Variants in EPB41L3 observed in about 807,000 individuals in gnomAD.
The protein encoded by EPB41L3 is erythrocyte membrane protein band 4.1 like 3.
A neutral mutation model predicts 127.1 loss-of-function variants in EPB41L3; 57 were observed. The observed-to-expected ratio is 0.45, with a 90% CI of 0.36 to 0.56. The LOEUF (loss-of-function observed/expected upper bound fraction) is 0.56, where lower values mean the gene tolerates loss of function less well. Among genes scored for constraint, EPB41L3 ranks in the 20% least tolerant of loss-of-function variants. EPB41L3 has a pLI of 0.00. For missense variants in EPB41L3, 1,273 were observed against 1,372.2 expected, an observed-to-expected ratio of 0.93 and a Z score of 1.14; for synonymous variants, 572 against 549.5, an observed-to-expected ratio of 1.04 and a Z score of -0.57.
chr18:5,493,174 A>C (rs1255539001), intron 1 of EPB41L3, among the ~76,000 whole-genome samples: 2 of 152,228 alleles, frequency 1.3e-5, no homozygotes, highest in Non-Finnish European at 2.9e-5. Flanking sequence ...TCTGTATTCA[A>C]ATTTATCTAC....
At chr18:5,455,013 TA>T (rs1445801996) in intron 3 of EPB41L3, among the ~76,000 whole-genome samples, 1 of 152,228 alleles carries the variant, frequency 6.6e-6, no homozygotes, top group Admixed American at 6.5e-5. Context: ...ACAAGTTATT[TA>T]AACCTCTCTG....
At position 5,396,084 on chromosome 18, in the gene EPB41L3, G is replaced by C. The variant is rs548283428; in HGVS notation, c.2973+117C>G. On this transcript the variant is annotated intron_variant, in intron 19 of 22. Coordinates refer to ENST00000341928, the MANE Select transcript of EPB41L3 (RefSeq NM_012307.5). ...GCATCACTTTTAATAGAAATGGTCT[G>C]GCTGCTGGATCCTCTAAGTCTCATG... The C allele has an allele frequency of 1.0e-5, 13 of 1,262,210 alleles. No individual in the cohort carries two copies. The African/African-American group carries it at 1.9e-4, about 19-fold the overall frequency. 78.2% of individuals were successfully genotyped at this position (1,262,210 alleles called of 1,614,324 possible). A position where few individuals can be genotyped will look rare whatever the true frequency, so the allele number is the denominator to read the frequency against.
chr18:5,430,027 T>C (rs1482852594), intron 8 of EPB41L3, among the ~76,000 whole-genome samples: 1 of 152,204 alleles, frequency 6.6e-6, no homozygotes, highest in Non-Finnish European at 1.5e-5. Flanking sequence ...TTAGGAAGTG[T>C]ACCTTTAACC....
chr18:5,424,487 T>C (rs2077894117), intron 9 of EPB41L3, 128 bp from the exon 10 acceptor site: 1 of 654,192 alleles, frequency 1.5e-6, no homozygotes, highest in Non-Finnish European at 2.6e-6. Flanking sequence ...AATTGCTATA[T>C]GCATAATTCA....
rs1269475851 is a variant in EPB41L3, at chr18:5,395,167, G to A, written c.3073-20C>T. ...CACAGTCTGCAAGACACGTAGAGAA[G>A]CTTTATGAATTTACTCACTGGGAGA... is the stretch of plus-strand genomic sequence containing the variant. On this transcript the variant is annotated intron_variant, in intron 20 of 22. Transcript: ENST00000341928. 6.2e-7 allele frequency: 1 copy of A among 1,609,094 alleles called. No individual in the cohort carries two copies. Among genetic ancestry groups the A allele is most frequent in the South Asian group, 1.1e-5 (1 of 90,972 alleles).
At chr18:5,564,483 A>C (rs1012179855) in intron 3 of EPB41L3, among the ~76,000 whole-genome samples, 1 of 152,110 alleles carries the variant, frequency 6.6e-6, no homozygotes, top group Admixed American at 6.5e-5. Context: ...AATCATAACT[A>C]CAGGGAAAGG....
intron 14 of EPB41L3, among the ~76,000 whole-genome samples, chr18:5,409,102 G>C (rs569523876): frequency 2.0e-4 from 30 of 152,262 alleles, no homozygotes; most frequent in African/African-American, 7.2e-4. Flanking sequence ...CCTATAGATG[G>C]GACAGAGTTT....
At chr18:5,574,340 G>A (rs2094315209) in intron 3 of EPB41L3, among the ~76,000 whole-genome samples, 1 of 149,964 alleles carries the variant, frequency 6.7e-6, no homozygotes, top group East Asian at 1.9e-4. Flanking sequence ...TAGAGTAACT[G>A]AGACTATCAG....
chr18:5,524,551 AC>A (rs1242925218), intron 1 of EPB41L3, among the ~76,000 whole-genome samples: 1 of 152,182 alleles, frequency 6.6e-6, no homozygotes, highest in Admixed American at 6.5e-5. Context: ...TATAATATAA[AC>A]AGAAAATCCT....
intron 3 of EPB41L3, among the ~76,000 whole-genome samples, chr18:5,556,014 T>C (rs2094029876): frequency 2.0e-5 from 3 of 152,192 alleles, no homozygotes; most frequent in South Asian, 4.1e-4. Flanking sequence ...CCATGAACCA[T>C]TGTCTCCCTT....
intron 3 of EPB41L3, among the ~76,000 whole-genome samples, chr18:5,447,863 T>C (rs930019363): frequency 1.3e-5 from 2 of 152,236 alleles, no homozygotes; most frequent in Non-Finnish European, 2.9e-5. Flanking sequence ...CTTTTCTTAC[T>C]GAATATTTTA....
At chr18:5,591,532 T>C (rs1482827365) in intron 3 of EPB41L3, among the ~76,000 whole-genome samples, 1 of 152,192 alleles carries the variant, frequency 6.6e-6, no homozygotes, top group Non-Finnish European at 1.5e-5. Flanking sequence ...CTTCTAATAG[T>C]ATCACTGCAG....
chr18:5,403,016 A>G (rs2143481107), intron 16 of EPB41L3, among the ~76,000 whole-genome samples: 1 of 152,348 alleles, frequency 6.6e-6, no homozygotes, highest in South Asian at 2.1e-4. Context: ...ATCGGCGCAG[A>G]ATACATACTA....
At chr18:5,618,271 T>C (rs2144170667) in intron 1 of EPB41L3, among the ~76,000 whole-genome samples, 1 of 152,362 alleles carries the variant, frequency 6.6e-6, no homozygotes, top group East Asian at 1.9e-4. Context: ...AGCATTCCTA[T>C]GCTCTTAGAA....
Position 5,515,979 on chromosome 18 carries a change from T to C in EPB41L3, c.-11-26785A>G, listed in dbSNP as rs188349167. Among the ~76,000 whole-genome samples, 241 of 152,288 alleles carry C rather than the reference T, an allele frequency of 1.6e-3. 2 individuals carry two copies. The highest frequency in any genetic ancestry group is 5.3e-3 in the African/African-American group (222 of 41,544). Reference sequence around the variant, plus strand: ...CAGGAAGTCATCATTTCCCTGACTATAAAAGCTGCTAATATAATGAACCAA... The same window carrying C: ...CAGGAAGTCATCATTTCCCTGACTACAAAAGCTGCTAATATAATGAACCAA... On this transcript the variant is annotated intron_variant, in intron 1 of 22. Coordinates refer to ENST00000341928, the MANE Select transcript of EPB41L3 (RefSeq NM_012307.5).
At chr18:5,626,985 A>G (rs1454180517) in intron 1 of EPB41L3, among the ~76,000 whole-genome samples, 8 of 152,194 alleles carry the variant, frequency 5.3e-5, no homozygotes, top group Non-Finnish European at 1.5e-5. Flanking sequence ...GTGGGTGTGT[A>G]GAAGAGAGAG....
At chr18:5,433,619 C>T (rs900025187) in intron 7 of EPB41L3, 63 bp from the exon 8 acceptor site, 2 of 1,409,140 alleles carry the variant, frequency 1.4e-6, no homozygotes, top group African/African-American at 2.8e-5. Context: ...TGCAATATTT[C>T]CCACTTAGTT....
intron 1 of EPB41L3, among the ~76,000 whole-genome samples, chr18:5,520,421 A>G (rs981728748): frequency 1.3e-5 from 2 of 152,204 alleles, no homozygotes; most frequent in African/African-American, 2.4e-5. Flanking sequence ...GCTTTTCACT[A>G]TGTTACACAG....
intron 2 of EPB41L3, among the ~76,000 whole-genome samples, chr18:5,480,290 A>G (rs1599544259): frequency 6.6e-6 from 1 of 152,218 alleles, no homozygotes; most frequent in Admixed American, 6.5e-5. Context: ...AAAAAACTTT[A>G]AGAACTCAAA....
Sources: allele counts gnomAD v4.1 joint callset (sites outside exome capture counted in the v4.1 genomes callset), GRCh38; gene constraint gnomAD v4.1.1; transcripts MANE v1.5; gene names NCBI Gene and HGNC (gene_info 2026-07-23, HGNC 2026-07-21).